Variants in CTNNA3 observed in about 807,000 individuals in gnomAD.
CTNNA3 encodes catenin alpha 3, also known as catenin alpha-3.
In CTNNA3, 76 loss-of-function variants were observed where a neutral mutation model predicts 95.7. The observed-to-expected ratio is 0.79, with a 90% CI of 0.66 to 0.96. The LOEUF (loss-of-function observed/expected upper bound fraction) is 0.96, where lower values mean the gene tolerates loss of function less well. CTNNA3 is among the 40% of genes least tolerant of loss of function. CTNNA3 has a pLI of 0.00. For synonymous variants in CTNNA3, 431 were observed against 374.4 expected (o/e 1.15, Z -1.74); for missense variants, 1,191 against 1,089.8 (o/e 1.09, Z -1.31).
intron 7 of CTNNA3, among the ~76,000 whole-genome samples, chr10:66,966,089 A>G (rs984150224): frequency 6.6e-6 from 1 of 151,968 alleles, no homozygotes; most frequent in South Asian, 2.1e-4. Context: ...TCAGTTTCCT[A>G]ATTTGTAAAA....
chr10:67,084,632 C>A (rs779967906), intron 7 of CTNNA3, among the ~76,000 whole-genome samples: 1 of 151,838 alleles, frequency 6.6e-6, no homozygotes, highest in Non-Finnish European at 1.5e-5. Context: ...CCTTTCCAAT[C>A]TTACTACTTG....
chr10:66,476,068 T>C (rs1392038628), intron 11 of CTNNA3, among the ~76,000 whole-genome samples: 1 of 152,072 alleles, frequency 6.6e-6, no homozygotes, highest in Non-Finnish European at 1.5e-5. Flanking sequence ...TGCTGGGACA[T>C]GGATGGAGCT....
At chr10:66,576,243 A>C (rs1842999392) in intron 10 of CTNNA3, among the ~76,000 whole-genome samples, 1 of 152,126 alleles carries the variant, frequency 6.6e-6, no homozygotes, top group South Asian at 2.1e-4. Context: ...CTCACCTAAG[A>C]TTCTGATTCA....
At chr10:66,071,856 A>C (rs901303938) in intron 14 of CTNNA3, among the ~76,000 whole-genome samples, 2 of 152,118 alleles carry the variant, frequency 1.3e-5, no homozygotes, top group Non-Finnish European at 2.9e-5. Context: ...GAATCTCAGA[A>C]CTCTATTTAT....
intron 1 of CTNNA3, among the ~76,000 whole-genome samples, chr10:67,686,437 T>C (rs1157810544): frequency 2.6e-5 from 4 of 152,224 alleles, no homozygotes; most frequent in Admixed American, 6.5e-5. Flanking sequence ...GTAGCCATGC[T>C]TGACCAGCTC....
chr10:66,621,714 T>C lies in CTNNA3; in HGVS notation c.1352A>G (p.His451Arg), dbSNP rs1844757192. Reference protein sequence around the residue: ...GIKIVKIAANHLETLCPQIIN... With the variant: ...GIKIVKIAANRLETLCPQIIN... ...TACCTGTGGACACAAGGTTTCCAAA[T>C]GATTGGCTGCAATTTTGACAATTTT... The change falls in exon 10 of 18, where the codon CAT becomes CGT. Residue 451 changes from histidine to arginine, a missense_variant. By Grantham distance (29) the His-to-Arg change is conservative (BLOSUM62 0). Transcript: ENST00000433211. 1 of 1,610,662 alleles carries C rather than the reference T, an allele frequency of 6.2e-7. No individual in the cohort carries two copies. The highest frequency in any genetic ancestry group is 8.5e-7 in the Non-Finnish European group (1 of 1,178,080).
At chr10:66,751,044 C>A (rs184068741) in intron 9 of CTNNA3, among the ~76,000 whole-genome samples, 1 of 152,048 alleles carries the variant, frequency 6.6e-6, no homozygotes. Flanking sequence ...CCAAGGCGGG[C>A]GGATCACAAG....
At chr10:67,710,373 G>T (rs1431566674) in intron 1 of CTNNA3, among the ~76,000 whole-genome samples, 1 of 152,206 alleles carries the variant, frequency 6.6e-6, no homozygotes, top group Non-Finnish European at 1.5e-5. Flanking sequence ...TATAGTGAAG[G>T]AATGAGATTA....
At chr10:66,747,221 T>C (rs760615592) in intron 9 of CTNNA3, among the ~76,000 whole-genome samples, 37 of 152,338 alleles carry the variant, frequency 2.4e-4, no homozygotes, top group South Asian at 6.2e-4. Flanking sequence ...TGCTTTTTAA[T>C]TTTTTACTGT....
chr10:67,579,398 G>A (rs892155595), intron 3 of CTNNA3, among the ~76,000 whole-genome samples: 1 of 151,906 alleles, frequency 6.6e-6, no homozygotes, highest in African/African-American at 2.4e-5. Flanking sequence ...CTTTTTTATG[G>A]CTGCATACTA....
At chr10:66,447,286 G>A (rs2093429893) in intron 11 of CTNNA3, among the ~76,000 whole-genome samples, 1 of 152,018 alleles carries the variant, frequency 6.6e-6, no homozygotes, top group Admixed American at 6.6e-5. Context: ...TCCTCATCAA[G>A]CTACCAATGA....
chr10:67,158,583 A>C (rs1280532850), intron 7 of CTNNA3, among the ~76,000 whole-genome samples: 1 of 152,232 alleles, frequency 6.6e-6, no homozygotes, highest in Middle Eastern at 3.2e-3. Context: ...ATAGTTAAAA[A>C]TATGACAAAA....
At chr10:66,474,917 T>C (rs1839269227) in intron 11 of CTNNA3, among the ~76,000 whole-genome samples, 1 of 152,062 alleles carries the variant, frequency 6.6e-6, no homozygotes, top group Non-Finnish European at 1.5e-5. Flanking sequence ...TGTTTTGCTT[T>C]GTTTTTTGCT....
chr10:67,354,763 T>A (rs1441632147), intron 5 of CTNNA3, among the ~76,000 whole-genome samples: 1 of 152,048 alleles, frequency 6.6e-6, no homozygotes, highest in Non-Finnish European at 1.5e-5. Flanking sequence ...GGTTTTTCTT[T>A]AAAACTGTAT....
rs193076785 is a variant in CTNNA3 at position 66,729,875 on chromosome 10, C to T, written c.1281+36389G>A. ...ATCCCAGCACTTTGGGAGGCTGAGG[C>T]GGGCGGATCACGAGGTCAGGAGATC... On this transcript the variant is annotated intron_variant, in intron 9 of 17. Transcript: ENST00000433211. Among the ~76,000 whole-genome samples the T allele has an allele frequency of 2.7e-3, 417 of 152,090 alleles. 11 individuals are homozygous for T. Among genetic ancestry groups the T allele is most frequent in the Middle Eastern group, 3.4e-3 (1 of 292 alleles).
At chr10:66,748,943 C>T (rs1441073947) in intron 9 of CTNNA3, among the ~76,000 whole-genome samples, 3 of 151,244 alleles carry the variant, frequency 2.0e-5, no homozygotes, top group Admixed American at 1.3e-4. Context: ...GAGGCCAAGG[C>T]GGGCGGATCA....
intron 11 of CTNNA3, among the ~76,000 whole-genome samples, chr10:66,480,614 T>TA (rs1333259909): frequency 5.3e-5 from 8 of 151,106 alleles, no homozygotes; most frequent in African/African-American, 7.4e-5. Context: ...TTTATTTATT[T>TA]TTTTTTTTGA....
At chr10:65,933,561 C>T (rs896766875) in intron 17 of CTNNA3, among the ~76,000 whole-genome samples, 1 of 152,098 alleles carries the variant, frequency 6.6e-6, no homozygotes, top group African/African-American at 2.4e-5. Context: ...GAAAAGTAAA[C>T]ATTTGAGATT....
At chr10:65,996,746 C>T (rs2078670084) in intron 15 of CTNNA3, among the ~76,000 whole-genome samples, 1 of 152,126 alleles carries the variant, frequency 6.6e-6, no homozygotes, top group Non-Finnish European at 1.5e-5. Context: ...TACCATTTTC[C>T]CACACTGGGG....
Sources: allele counts gnomAD v4.1 joint callset (sites outside exome capture counted in the v4.1 genomes callset), GRCh38; gene constraint gnomAD v4.1.1; transcripts MANE v1.5; gene names NCBI Gene and HGNC (gene_info 2026-07-23, HGNC 2026-07-21).